CPXM2: variants seen among roughly 807,000 people sequenced by gnomAD.
CPXM2 encodes carboxypeptidase X, M14 family member 2.
Under a neutral mutation model 86.1 loss-of-function variants are expected in CPXM2, and 66 were observed. The observed-to-expected ratio is 0.77, with a 90% confidence interval of 0.63 to 0.94. The LOEUF is 0.94. Among genes scored for constraint, CPXM2 ranks in the 40% least tolerant of loss-of-function variants. CPXM2 has a pLI of 0.00. For missense variants in CPXM2, 948 were observed against 1,026.3 expected, an observed-to-expected ratio of 0.92 and a Z score of 1.04; for synonymous variants, 388 against 400.2, an observed-to-expected ratio of 0.97 and a Z score of 0.36.
At chr10:123,943,693 G>C (rs1348575970), upstream of CPXM2, among the ~76,000 whole-genome samples, 14 of 152,230 alleles carry the variant, frequency 9.2e-5, no homozygotes, top group Non-Finnish European at 2.1e-4. Context: ...GCTGGAGCCT[G>C]TTGCTGAGAT....
At chr10:123,910,994 G>C (rs1295982679) in intron 2 of CPXM2, among the ~76,000 whole-genome samples, 2 of 152,048 alleles carry the variant, frequency 1.3e-5, no homozygotes, top group African/African-American at 2.4e-5. Flanking sequence ...CCCCTCGTGT[G>C]TCTGTGTCTG....
intron 3 of CPXM2, among the ~76,000 whole-genome samples, chr10:123,852,337 T>C (rs1203511195): frequency 6.6e-6 from 1 of 152,296 alleles, no homozygotes; most frequent in Admixed American, 6.5e-5. Context: ...TTCTCTTGCA[T>C]CCTTCATCCA....
At chr10:123,895,783 G>GA (rs1945333426), upstream of CPXM2, among the ~76,000 whole-genome samples, 1 of 152,174 alleles carries the variant, frequency 6.6e-6, no homozygotes. Flanking sequence ...AGTAATGGGG[G>GA]CAAACTGGGA....
chr10:123,780,968 T>C (rs893400064), intron 6 of CPXM2, among the ~76,000 whole-genome samples: 1 of 152,198 alleles, frequency 6.6e-6, no homozygotes, highest in African/African-American at 2.4e-5. Flanking sequence ...AGAAGCATGT[T>C]GCCCACTTGC....
intron 4 of CPXM2, among the ~76,000 whole-genome samples, chr10:123,820,286 A>AG (rs1321234142): frequency 1.3e-5 from 2 of 152,224 alleles, no homozygotes; most frequent in Non-Finnish European, 2.9e-5. Flanking sequence ...GGAGAAGCAG[A>AG]GGCCACTCTA....
upstream of CPXM2, among the ~76,000 whole-genome samples, chr10:123,895,404 G>A (rs992601101): frequency 2.6e-5 from 4 of 152,248 alleles, no homozygotes; most frequent in African/African-American, 4.8e-5. Flanking sequence ...GATTACAGGC[G>A]TGAGCCACCA....
intron 10 of CPXM2, among the ~76,000 whole-genome samples, chr10:123,765,421 A>G (rs976704874): frequency 2.6e-5 from 4 of 152,244 alleles, no homozygotes; most frequent in Admixed American, 6.5e-5. Context: ...GAGACTCTGT[A>G]CAGTTGTGCT....
intron 4 of CPXM2, among the ~76,000 whole-genome samples, chr10:123,833,094 C>T (rs1007048974): frequency 3.9e-5 from 6 of 152,154 alleles, no homozygotes; most frequent in Non-Finnish European, 7.3e-5. Context: ...ACTTCAATTA[C>T]GTATAAGTTT....
At chr10:123,934,987 G>A (rs76119152) in intron 2 of CPXM2, among the ~76,000 whole-genome samples, 9,339 of 152,204 alleles carry the variant, frequency 0.061, 542 homozygotes, top group African/African-American at 0.15. Flanking sequence ...GTACGACCTA[G>A]CCAGGAAGTT....
intron 2 of CPXM2, among the ~76,000 whole-genome samples, chr10:123,879,645 T>C (rs1289076672): frequency 1.3e-5 from 2 of 152,118 alleles, no homozygotes; most frequent in Admixed American, 6.5e-5. Flanking sequence ...GATACAATAA[T>C]AATAATGGTA....
At chr10:123,914,287 G>A (rs1387537990) in intron 2 of CPXM2, among the ~76,000 whole-genome samples, 4 of 152,126 alleles carry the variant, frequency 2.6e-5, no homozygotes, top group African/African-American at 4.8e-5. Flanking sequence ...CTGGGATACC[G>A]GAATGCCCTG....
At chr10:123,880,119 A>G in intron 2 of CPXM2, 92 bp downstream of exon 2, 1 of 680,146 alleles carries the variant, frequency 1.5e-6, no homozygotes. Context: ...GGGAATCTGT[A>G]GTCAGGCTGC....
chr10:123,886,294 C>A (rs1945176881), intron 1 of CPXM2, among the ~76,000 whole-genome samples: 1 of 151,290 alleles, frequency 6.6e-6, no homozygotes, highest in African/African-American at 2.4e-5. Context: ...TTACACACTC[C>A]CATTTTGCCC....
At chr10:123,880,828 C>CA (rs71484548) in intron 1 of CPXM2, among the ~76,000 whole-genome samples, 545 of 53,866 alleles carry the variant, frequency 0.01, 25 homozygotes, top group South Asian at 0.042. Context: ...GATTCCGTCT[C>CA]AAAAAAAAAA....
At chr10:123,890,516 G>C (rs922628720) in intron 1 of CPXM2, among the ~76,000 whole-genome samples, 1 of 152,238 alleles carries the variant, frequency 6.6e-6, no homozygotes, top group Non-Finnish European at 1.5e-5. Flanking sequence ...CCATTGCGAG[G>C]CCAGAGAATT....
At chr10:123,793,086 C>T (rs1291806609) in intron 6 of CPXM2, among the ~76,000 whole-genome samples, 2 of 152,164 alleles carry the variant, frequency 1.3e-5, no homozygotes, top group African/African-American at 2.4e-5. Context: ...ACCCCTACAG[C>T]GAAGGTATTC....
At chr10:123,812,739 A>G (rs1487176480) in intron 4 of CPXM2, among the ~76,000 whole-genome samples, 1 of 152,180 alleles carries the variant, frequency 6.6e-6, no homozygotes, top group Non-Finnish European at 1.5e-5. Flanking sequence ...AACTGTGCCC[A>G]TGAGGGATCT....
At chr10:123,756,326 C>T (rs1896375) in intron 12 of CPXM2, among the ~76,000 whole-genome samples, 90 of 152,242 alleles carry the variant, frequency 5.9e-4, no homozygotes, top group African/African-American at 2.0e-3. Context: ...TAGTGGGGCC[C>T]GGATACTGTT....
intron 2 of CPXM2, among the ~76,000 whole-genome samples, chr10:123,937,470 AACACACACACACACAC>A (rs201368456): frequency 1.2e-3 from 162 of 132,664 alleles, no homozygotes; most frequent in Admixed American, 1.9e-3. Context: ...ACAACAAAAC[AACACACACACACACAC>A]ACACACACAC....
Sources: allele counts gnomAD v4.1 joint callset (sites outside exome capture counted in the v4.1 genomes callset), GRCh38; gene constraint gnomAD v4.1.1; transcripts MANE v1.5; gene names NCBI Gene and HGNC (gene_info 2026-07-23, HGNC 2026-07-21).